The following ZNF804B variants were observed in gnomAD, a reference collection of about 807,000 sequenced individuals.
The protein encoded by ZNF804B is zinc finger protein 804B.
A neutral mutation model predicts 101.4 loss-of-function variants in ZNF804B; 80 were observed. The ratio of observed to expected loss-of-function variants is 0.79; its 90% CI spans 0.66 to 0.95. The LOEUF (loss-of-function observed/expected upper bound fraction) is 0.95, where lower values mean the gene tolerates loss of function less well. ZNF804B is among the 40% of genes least tolerant of loss of function. ZNF804B has a pLI of 0.00. For missense variants in ZNF804B, 1,673 were observed against 1,561.9 expected, an observed-to-expected ratio of 1.07 and a Z score of -1.20; for synonymous variants, 622 against 558.8, an observed-to-expected ratio of 1.11 and a Z score of -1.59.
chr7:88,867,466 T>G (rs1791744054), intron 1 of ZNF804B, among the ~76,000 whole-genome samples: 1 of 152,186 alleles, frequency 6.6e-6, no homozygotes, highest in South Asian at 2.1e-4. Context: ...TAAACAAATT[T>G]GCCTTTTCTC....
chr7:88,957,929 T>TGA (rs1793334976), intron 1 of ZNF804B, among the ~76,000 whole-genome samples: 1 of 151,210 alleles, frequency 6.6e-6, no homozygotes, highest in Non-Finnish European at 1.5e-5. Context: ...TATGTGTGTG[T>TGA]GTGTGTATAT....
chr7:88,965,718 G>A (rs1217848019), intron 1 of ZNF804B, among the ~76,000 whole-genome samples: 2 of 151,362 alleles, frequency 1.3e-5, no homozygotes, highest in African/African-American at 4.8e-5. Context: ...AATCACTGCC[G>A]TATCTTTTTC....
chr7:89,054,481 T>C (rs1333262679), intron 1 of ZNF804B, among the ~76,000 whole-genome samples: 3 of 151,944 alleles, frequency 2.0e-5, no homozygotes, highest in African/African-American at 7.2e-5. Flanking sequence ...ACATTTTCTT[T>C]TAAAGATTAG....
chr7:89,103,433 A>T (rs905456579), intron 1 of ZNF804B, among the ~76,000 whole-genome samples: 10 of 151,456 alleles, frequency 6.6e-5, no homozygotes, highest in Non-Finnish European at 1.2e-4. Flanking sequence ...TCTTGTAGAG[A>T]TATTCCATTT....
intron 2 of ZNF804B, among the ~76,000 whole-genome samples, chr7:89,274,051 TC>T (rs77355919): frequency 0.013 from 1,944 of 151,930 alleles, 44 homozygotes; most frequent in East Asian, 0.098. Context: ...AATGCACTCT[TC>T]CCCTGTGACT....
At chr7:89,056,220 G>T (rs898811547) in intron 1 of ZNF804B, among the ~76,000 whole-genome samples, 5 of 152,038 alleles carry the variant, frequency 3.3e-5, no homozygotes, top group Non-Finnish European at 5.9e-5. Context: ...GTAAACACTT[G>T]GTCTCAAAGA....
Position 89,218,291 on chromosome 7 carries a change from A to C in ZNF804B, c.245A>C (p.Lys82Thr), listed in dbSNP as rs766513953. 6.2e-7 allele frequency: 1 copy of C among 1,613,576 alleles called. No homozygotes were observed. Reference sequence around the variant, plus strand: ...ATTAATTCTTATGACCATGCTCATAAGCAGGTAAGGCAAAGTGGGAAAAGT... The same window carrying C: ...ATTAATTCTTATGACCATGCTCATACGCAGGTAAGGCAAAGTGGGAAAAGT... ...NHINSYDHAH[K>T]QRLKELKQRE... The change falls in exon 2 of 4, where the codon AAG (lysine) becomes ACG (threonine). Residue 82 changes from lysine to threonine, a missense_variant. By Grantham distance (78) the Lys-to-Thr change is moderately conservative. Transcript: ENST00000333190.
chr7:88,765,156 T>G (rs986046482), intron 1 of ZNF804B, among the ~76,000 whole-genome samples: 1 of 152,144 alleles, frequency 6.6e-6, no homozygotes, highest in African/African-American at 2.4e-5. Flanking sequence ...TAATTTTGGC[T>G]TTTATTAGAT....
At chr7:89,195,898 CAG>C (rs1215281984) in intron 1 of ZNF804B, among the ~76,000 whole-genome samples, 1 of 150,316 alleles carries the variant, frequency 6.7e-6, no homozygotes, top group Non-Finnish European at 1.5e-5. Flanking sequence ...CTCAAAAAAT[CAG>C]AGAGGACACA....
chr7:88,792,991 A>G (rs928159323), intron 1 of ZNF804B, among the ~76,000 whole-genome samples: 1 of 151,996 alleles, frequency 6.6e-6, no homozygotes, highest in African/African-American at 2.4e-5. Context: ...ATTTTCTTCA[A>G]ATGAAAAATT....
At chr7:88,889,950 T>A (rs765438489) in intron 1 of ZNF804B, among the ~76,000 whole-genome samples, 1 of 152,198 alleles carries the variant, frequency 6.6e-6, no homozygotes, top group Non-Finnish European at 1.5e-5. Context: ...TTAATTTTTG[T>A]ATATTGTGAG....
rs564825668 is a variant in ZNF804B, at chr7:89,044,630, G to A, written c.109-173525G>A. ...GGTTGAGGTGGTCTCAGATGGAGAT[G>A]AGGAACTTTTTGGGAACTGGAGTAA... On this transcript the variant is annotated intron_variant, in intron 1 of 3. Coordinates refer to ENST00000333190, the MANE Select transcript of ZNF804B (RefSeq NM_181646.5). Among the ~76,000 whole-genome samples, 3 of 152,260 alleles carry A rather than the reference G, an allele frequency of 2.0e-5. No individual in the cohort carries two copies. In the South Asian group the frequency reaches 6.2e-4, roughly 32 times the overall value.
At chr7:89,002,010 CAATG>C (rs966560006) in intron 1 of ZNF804B, among the ~76,000 whole-genome samples, 1 of 151,226 alleles carries the variant, frequency 6.6e-6, no homozygotes, top group African/African-American at 2.4e-5. Flanking sequence ...GATGTTGAAA[CAATG>C]AATCATAAAT....
At chr7:88,874,651 A>C (rs1163783018) in intron 1 of ZNF804B, among the ~76,000 whole-genome samples, 1 of 152,158 alleles carries the variant, frequency 6.6e-6, no homozygotes, top group Admixed American at 6.5e-5. Flanking sequence ...TCCCATCAAT[A>C]CCTAATTTAT....
chr7:89,244,046 C>T (rs1217675379), intron 2 of ZNF804B, among the ~76,000 whole-genome samples: 1 of 151,900 alleles, frequency 6.6e-6, no homozygotes, highest in Admixed American at 6.6e-5. Context: ...TTTAAAATTC[C>T]TTCATTTTCA....
intron 1 of ZNF804B, among the ~76,000 whole-genome samples, chr7:89,035,920 T>C (rs922033498): frequency 6.9e-6 from 1 of 144,776 alleles, no homozygotes; most frequent in African/African-American, 2.5e-5. Flanking sequence ...ATATTATATA[T>C]AATATATTAA....
chr7:89,023,821 C>G (rs1247251777), intron 1 of ZNF804B, among the ~76,000 whole-genome samples: 1 of 152,126 alleles, frequency 6.6e-6, no homozygotes, highest in African/African-American at 2.4e-5. Context: ...GCTCATATGC[C>G]TAGGAGTTTT....
At position 89,294,558 on chromosome 7, in the gene ZNF804B, C is replaced by CT. The variant is rs561100652; in HGVS notation, c.250-32777dup. Among the ~76,000 whole-genome samples, 952 of 151,104 alleles carry CT rather than the reference C, an allele frequency of 6.3e-3. 7 individuals carry two copies. Among genetic ancestry groups the CT allele is most frequent in the African/African-American group, 0.022 (891 of 41,248 alleles). On this transcript the variant is annotated intron_variant, in intron 2 of 3. Transcript: ENST00000333190. ...GTCTAATTGCTTTTATCTCTTGTTA[C>CT]TTTTTTTTTAAAAAAATGCTTCTCT...
chr7:88,994,011 T>C (rs1793884532), intron 1 of ZNF804B, among the ~76,000 whole-genome samples: 1 of 152,018 alleles, frequency 6.6e-6, no homozygotes, highest in Non-Finnish European at 1.5e-5. Context: ...TCACTTAATA[T>C]TGTAACAAGT....
Sources: gnomAD v4.1 joint callset for allele counts (sites outside exome capture counted in the v4.1 genomes callset) on GRCh38, gnomAD v4.1.1 for gene constraint, MANE v1.5 for transcripts, NCBI Gene and HGNC (gene_info 2026-07-23, HGNC 2026-07-21) for gene names.